Variants in OBI1 observed in about 807,000 individuals in gnomAD.
The protein encoded by OBI1 is ORC ubiquitin ligase 1, also known as ring finger protein 219.
In OBI1, 59 loss-of-function variants were observed where a neutral mutation model predicts 62.4. That is an observed-to-expected ratio of 0.95 (90% CI 0.77 to 1.17). The LOEUF (loss-of-function observed/expected upper bound fraction) is 1.17, where lower values mean the gene tolerates loss of function less well. OBI1 is among the 50% of genes most tolerant of loss of function. OBI1 has a pLI of 0.00. For synonymous variants in OBI1, 302 were observed against 292.8 expected (o/e 1.03, Z -0.32); for missense variants, 875 against 830.9 (o/e 1.05, Z -0.65).
chr13:78,636,977 A>G (rs974294230), intron 4 of OBI1, among the ~76,000 whole-genome samples: 1 of 152,190 alleles, frequency 6.6e-6, no homozygotes, highest in African/African-American at 2.4e-5. Flanking sequence ...ACTATCAGAG[A>G]TCTTTTCAAG....
intron 2 of OBI1, among the ~76,000 whole-genome samples, chr13:78,643,614 C>A (rs1441191697): frequency 6.6e-6 from 1 of 152,126 alleles, no homozygotes; most frequent in African/African-American, 2.4e-5. Context: ...CATGGAGAAA[C>A]CCCGTCTCTA....
chr13:78,656,738 G>C (rs557269759), intron 1 of OBI1, among the ~76,000 whole-genome samples: 1 of 122,702 alleles, frequency 8.1e-6, no homozygotes, highest in African/African-American at 3.0e-5. Flanking sequence ...CTGGGGGGGG[G>C]GGGGGAGGAG....
At chr13:78,631,263 T>C (rs1875839951) in intron 5 of OBI1, among the ~76,000 whole-genome samples, 1 of 152,136 alleles carries the variant, frequency 6.6e-6, no homozygotes, top group Admixed American at 6.5e-5. Flanking sequence ...TTATAGCCCT[T>C]GCTCAAACAG....
At chr13:78,627,444 C>CA (rs11458084) in intron 5 of OBI1, among the ~76,000 whole-genome samples, 40,347 of 151,972 alleles carry the variant, frequency 0.27, 8,856 homozygotes, top group African/African-American at 0.61. Flanking sequence ...CACCCCTTAA[C>CA]GGCCCTGGTG....
At chr13:78,652,165 A>G (rs756905852) in intron 1 of OBI1, among the ~76,000 whole-genome samples, 4 of 152,204 alleles carry the variant, frequency 2.6e-5, no homozygotes, top group Non-Finnish European at 5.9e-5. Flanking sequence ...TTCTTTGGAA[A>G]TGAATATTGG....
chr13:78,615,771 CAA>C lies in OBI1; in HGVS notation c.1988_1989del (p.Phe663Ter), dbSNP rs1875251006. 6.2e-7 allele frequency: 1 copy of C among 1,613,740 alleles called. No homozygotes were observed. Among genetic ancestry groups the C allele is most frequent in the Non-Finnish European group, 8.5e-7 (1 of 1,179,968 alleles). On this transcript the variant is annotated frameshift_variant, in exon 6 of 6. Coordinates refer to ENST00000282003, the MANE Select transcript of OBI1 (RefSeq NM_024546.4). LOFTEE classifies it high-confidence loss of function. The stretch of plus-strand genomic sequence containing the variant: ...AAAGATGACCCAAATCTTTGATCTT[CAA>C]ATAGTCGATGTGAACTGCTTAACAA... ...GILLSSSHRL[F>X]EDQRFGSSLF...
At chr13:78,651,453 A>G (rs1876539728) in intron 1 of OBI1, among the ~76,000 whole-genome samples, 1 of 152,138 alleles carries the variant, frequency 6.6e-6, no homozygotes, top group Non-Finnish European at 1.5e-5. Flanking sequence ...CTACCATTTC[A>G]ATATTTGACA....
In OBI1 at chr13:78,615,403, C is replaced by A. The variant is rs758653436; in HGVS notation, c.*177G>T. On this transcript the variant is annotated 3_prime_UTR_variant, in exon 6 of 6. Transcript: ENST00000282003. ...CAAATAAAAATGAAAAGAACAAAGT[C>A]TTTTCAAAATGAACAATAAGTATTC... The A allele has an allele frequency of 4.0e-5, 18 of 445,472 alleles. No individual in the cohort carries two copies. The highest frequency in any genetic ancestry group is 6.3e-5 in the Non-Finnish European group (16 of 255,512). The allele number at this position is 445,472 out of a possible 1,614,324, so 27.6% of individuals were successfully genotyped here. A position where few individuals can be genotyped will look rare whatever the true frequency, so the allele number is the denominator to read the frequency against.
intron 5 of OBI1, chr13:78,620,789 T>C (rs1487167935): frequency 2.6e-6 from 1 of 382,326 alleles, no homozygotes; most frequent in Non-Finnish European, 5.1e-6. Flanking sequence ...TATTTTCTCA[T>C]AGTCTATCAC....
intron 1 of OBI1, among the ~76,000 whole-genome samples, chr13:78,654,335 G>T (rs190729821): frequency 4.5e-4 from 68 of 152,004 alleles, no homozygotes; most frequent in East Asian, 3.9e-4. Flanking sequence ...TTTTCAACTG[G>T]AAAAAAGAGA....
At chr13:78,628,982 G>T (rs1034786117) in intron 5 of OBI1, among the ~76,000 whole-genome samples, 1 of 152,106 alleles carries the variant, frequency 6.6e-6, no homozygotes, top group Non-Finnish European at 1.5e-5. Context: ...TAAGCTAACT[G>T]ATTTTAAATT....
chr13:78,640,846 A>ACTT, intron 3 of OBI1, among the ~76,000 whole-genome samples: 1 of 152,232 alleles, frequency 6.6e-6, no homozygotes, highest in East Asian at 1.9e-4. Flanking sequence ...TTATACTTTC[A>ACTT]CTTCTATATT....
At chr13:78,625,758 C>T (rs1875647362) in intron 5 of OBI1, among the ~76,000 whole-genome samples, 1 of 152,196 alleles carries the variant, frequency 6.6e-6, no homozygotes, top group Non-Finnish European at 1.5e-5. Context: ...TATCATCAGG[C>T]TCCCCTGACA....
intron 5 of OBI1, among the ~76,000 whole-genome samples, chr13:78,625,596 C>T (rs1209267073): frequency 7.9e-5 from 12 of 152,182 alleles, no homozygotes; most frequent in South Asian, 2.1e-4. Flanking sequence ...CATGCACTGC[C>T]GCCTCCCCAA....
chr13:78,649,266 A>T (rs912362951), intron 1 of OBI1, among the ~76,000 whole-genome samples: 3 of 152,242 alleles, frequency 2.0e-5, no homozygotes, highest in Non-Finnish European at 1.5e-5. Flanking sequence ...AAGCAAAGGA[A>T]GAGGAAGAGC....
At chr13:78,629,014 A>G (rs1005315971) in intron 5 of OBI1, among the ~76,000 whole-genome samples, 1 of 152,206 alleles carries the variant, frequency 6.6e-6, no homozygotes, top group Admixed American at 6.5e-5. Context: ...GGCTCAAAAA[A>G]TACAAATAGA....
At chr13:78,635,655 T>C (rs1164575854) in intron 4 of OBI1, among the ~76,000 whole-genome samples, 1 of 152,244 alleles carries the variant, frequency 6.6e-6, no homozygotes, top group Admixed American at 6.5e-5. Context: ...ACAAATCTAA[T>C]ATGATTTAAC....
At chr13:78,658,049 C>G (rs1233923370) in intron 1 of OBI1, among the ~76,000 whole-genome samples, 1 of 152,106 alleles carries the variant, frequency 6.6e-6, no homozygotes, top group Non-Finnish European at 1.5e-5. Context: ...TTTTTGAATC[C>G]AGTAAATTCA....
At position 78,616,279 on chromosome 13, in the gene OBI1, T is replaced by C; in HGVS notation, c.1482A>G (p.Glu494=). The C allele has an allele frequency of 6.2e-7, 1 of 1,613,908 alleles. No homozygotes were observed. Among genetic ancestry groups the C allele is most frequent in the African/African-American group, 1.3e-5 (1 of 75,058 alleles). The change falls in exon 6 of 6, where the codon GAA becomes GAG. Residue 494 remains glutamate (E), a synonymous_variant. Transcript: ENST00000282003. ...ATTTCTCACTCAATTTTGAAGATAT[T>C]TCTCCAACAGAATTTGCTATCGTGT... is the stretch of plus-strand genomic sequence containing the variant. ...EGNTIANSVG[E]ISSKLSEKSG...
Sources: allele counts gnomAD v4.1 joint callset (sites outside exome capture counted in the v4.1 genomes callset), GRCh38; gene constraint gnomAD v4.1.1; transcripts MANE v1.5; gene names NCBI Gene and HGNC (gene_info 2026-07-23, HGNC 2026-07-21).